BIRC6: variants seen among roughly 807,000 people sequenced by gnomAD.
BIRC6 encodes dual E2 ubiquitin-conjugating enzyme/E3 ubiquitin-protein ligase BIRC6.
Under a neutral mutation model 503.3 loss-of-function variants are expected in BIRC6, and 98 were observed. The ratio of observed to expected loss-of-function variants is 0.19; its 90% CI spans 0.17 to 0.23. The LOEUF is 0.23. Among genes scored for constraint, BIRC6 ranks in the 10% least tolerant of loss-of-function variants. The pLI, the probability that BIRC6 is intolerant of heterozygous loss-of-function variation, is 1.00. For synonymous variants in BIRC6, 2,240 were observed against 2,078.7 expected (o/e 1.08, Z -2.11); for missense variants, 5,360 against 5,806.0 (o/e 0.92, Z 2.50).
At position 32,445,507 on chromosome 2, in the gene BIRC6, T is replaced by C; in HGVS notation, c.4337-14T>C. On this transcript the variant is annotated splice_polypyrimidine_tract_variant and intron_variant, in intron 20 of 73. Transcript: ENST00000421745. ...AGGAAAAAGAAACATTTATTTTGTT[T>C]TTATTGTTTCCAGGTTCTGTCTATT... 6.5e-7 allele frequency: 1 copy of C among 1,529,154 alleles called. No homozygotes were observed. The highest frequency in any genetic ancestry group is 1.3e-5 in the South Asian group (1 of 79,770). 94.7% of individuals were successfully genotyped at this position (1,529,154 alleles called of 1,614,324 possible). A position where few individuals can be genotyped will look rare whatever the true frequency, so the allele number is the denominator to read the frequency against.
chr2:32,604,922 C>G (rs1382448379), intron 71 of BIRC6, among the ~76,000 whole-genome samples: 2 of 142,960 alleles, frequency 1.4e-5, no homozygotes, highest in Admixed American at 1.5e-4. Context: ...GACAGGGTCT[C>G]ACTCTGTGGC....
intron 40 of BIRC6, among the ~76,000 whole-genome samples, chr2:32,487,015 A>G (rs562063770): frequency 2.7e-4 from 41 of 152,220 alleles, no homozygotes; most frequent in Admixed American, 9.8e-4. Context: ...ATATTTGAAA[A>G]AAAAAAGAAT....
chr2:32,435,616 A>G (rs1044373566), intron 14 of BIRC6, 31 bp downstream of exon 14: 1 of 1,538,716 alleles, frequency 6.5e-7, no homozygotes, highest in African/African-American at 1.4e-5. Context: ...GTTGTCCATG[A>G]CAGTAAAAGG....
intron 70 of BIRC6, among the ~76,000 whole-genome samples, chr2:32,600,624 G>A (rs1409548667): frequency 1.3e-5 from 2 of 152,168 alleles, no homozygotes; most frequent in African/African-American, 4.8e-5. Flanking sequence ...TGAGACACTG[G>A]AACTTGAATA....
chr2:32,479,362 T>C, intron 36 of BIRC6, 100 bp from the exon 37 acceptor site: 1 of 1,161,732 alleles, frequency 8.6e-7, no homozygotes, highest in South Asian at 1.5e-5. Context: ...TAGTAGAGCA[T>C]TTATTCTGTC....
rs1270249810 is a variant in BIRC6 at position 32,414,833 on chromosome 2, A to G, written c.1542A>G (p.Gln514=). Residue 514 remains glutamine, a synonymous_variant, in exon 10 of 74, where the codon CAA becomes CAG. Coordinates refer to ENST00000421745, the MANE Select transcript of BIRC6 (RefSeq NM_016252.4). ...SLDITALSIL[Q]QPEKLQWEIV... ...ATATAACAGCACTCAGCATTCTCCA[A>G]CAGCCAGAAAAACTTCAGTGGGAGA... 2.5e-6 allele frequency: 4 copies of G among 1,613,984 alleles called. No homozygotes were observed. The highest frequency in any genetic ancestry group is 3.4e-6 in the Non-Finnish European group (4 of 1,179,884).
intron 65 of BIRC6, 23 bp downstream of exon 65, chr2:32,549,504 T>C: frequency 2.2e-6 from 3 of 1,358,766 alleles, no homozygotes; most frequent in Non-Finnish European, 2.9e-6. Context: ...TGTAAATGTG[T>C]CTGTGGATGA....
At chr2:32,418,857 A>G (rs2042647827) in intron 10 of BIRC6, among the ~76,000 whole-genome samples, 1 of 152,222 alleles carries the variant, frequency 6.6e-6, no homozygotes, top group East Asian at 1.9e-4. Flanking sequence ...CTGAGACAGG[A>G]GAATCACTTG....
At chr2:32,470,399 A>G in intron 31 of BIRC6, 98 bp downstream of exon 31, 1 of 1,178,138 alleles carries the variant, frequency 8.5e-7, no homozygotes, top group Non-Finnish European at 1.2e-6. Flanking sequence ...AATTATTTGC[A>G]GCACATTTAA....
intron 1 of BIRC6, among the ~76,000 whole-genome samples, chr2:32,376,135 G>A (rs571220302): frequency 7.4e-4 from 111 of 149,190 alleles, no homozygotes; most frequent in African/African-American, 2.6e-3. Context: ...GCAGTGAGCC[G>A]AGATCATGCC....
At chr2:32,431,178 T>G (rs1474660997) in intron 12 of BIRC6, 88 bp downstream of exon 12, 2 of 453,790 alleles carry the variant, frequency 4.4e-6, no homozygotes, top group Non-Finnish European at 7.3e-6. Flanking sequence ...TATTACTGTT[T>G]ATCTTTTTTT....
At chr2:32,393,039 G>T (rs1159435074) in intron 5 of BIRC6, among the ~76,000 whole-genome samples, 3 of 151,918 alleles carry the variant, frequency 2.0e-5, no homozygotes, top group African/African-American at 7.3e-5. Context: ...TTTGACATCT[G>T]CATTCATAAC....
intron 64 of BIRC6, among the ~76,000 whole-genome samples, chr2:32,548,458 TC>T (rs1256524099): frequency 2.9e-5 from 4 of 139,452 alleles, no homozygotes; most frequent in African/African-American, 1.1e-4. Context: ...AACCTTCACC[TC>T]CCAGGTTCAC....
intron 65 of BIRC6, among the ~76,000 whole-genome samples, chr2:32,556,403 C>T (rs1363314503): frequency 6.6e-6 from 1 of 152,188 alleles, no homozygotes; most frequent in African/African-American, 2.4e-5. Flanking sequence ...TCCTTTCTCT[C>T]CTATGAGCTG....
At chr2:32,569,994 C>T (rs997236671) in intron 65 of BIRC6, among the ~76,000 whole-genome samples, 1 of 151,972 alleles carries the variant, frequency 6.6e-6, no homozygotes, top group African/African-American at 2.4e-5. Context: ...GAACTCTTGA[C>T]TTGTTCCAGT....
At chr2:32,478,552 T>A (rs2050028193) in intron 35 of BIRC6, 83 bp from the exon 36 acceptor site, 3 of 1,276,060 alleles carry the variant, frequency 2.4e-6, no homozygotes, top group African/African-American at 1.5e-5. Flanking sequence ...TGTTCAGTGC[T>A]AAAGTATTGG....
chr2:32,437,559 C>G (rs2044864672), intron 15 of BIRC6, among the ~76,000 whole-genome samples: 1 of 152,202 alleles, frequency 6.6e-6, no homozygotes, highest in South Asian at 2.1e-4. Context: ...TCAAGTATCC[C>G]TTATCTGAAA....
intron 73 of BIRC6, among the ~76,000 whole-genome samples, chr2:32,615,189 C>T (rs1457762949): frequency 6.6e-6 from 1 of 152,148 alleles, no homozygotes; most frequent in African/African-American, 2.4e-5. Context: ...CCCATGATCC[C>T]CATTTCTCTC....
At chr2:32,422,673 T>G (rs1293744026) in intron 10 of BIRC6, among the ~76,000 whole-genome samples, 2 of 152,206 alleles carry the variant, frequency 1.3e-5, no homozygotes, top group South Asian at 4.1e-4. Flanking sequence ...TTGATTTTGC[T>G]TGTTTTTGCC....
Sources: allele counts gnomAD v4.1 joint callset (sites outside exome capture counted in the v4.1 genomes callset), GRCh38; gene constraint gnomAD v4.1.1; transcripts MANE v1.5; gene names NCBI Gene and HGNC (gene_info 2026-07-23, HGNC 2026-07-21).